The following SOX5 variants were observed in gnomAD, a reference collection of about 807,000 sequenced individuals.
SOX5 encodes the protein SRY-box transcription factor 5.
SOX5 carries 9 observed loss-of-function variants against 92.0 expected under a neutral mutation model. The ratio of observed to expected loss-of-function variants is 0.10; its 90% confidence interval spans 0.06 to 0.17. The LOEUF (loss-of-function observed/expected upper bound fraction) is 0.17. Ranked by LOEUF, SOX5 falls within the 10% of genes least tolerant of loss-of-function variation. SOX5 has a pLI of 1.00. For synonymous variants in SOX5, 344 were observed against 336.3 expected, an observed-to-expected ratio of 1.02 and a Z score of -0.25; for missense variants, 642 against 944.5, an observed-to-expected ratio of 0.68 and a Z score of 4.20.
At chr12:24,227,118 T>C (rs1441466739) in intron 3 of SOX5, 2 of 152,228 alleles carry the variant, frequency 1.3e-5, no homozygotes, top group East Asian at 1.9e-4. Flanking sequence ...AGGCTGCTGT[T>C]TGTCCAAGTA....
intron 2 of SOX5, among the ~76,000 whole-genome samples, chr12:24,314,492 G>A (rs921934844): frequency 2.0e-5 from 3 of 151,566 alleles, no homozygotes; most frequent in Admixed American, 6.6e-5. Flanking sequence ...TTATGCACAT[G>A]TACCCTAAAA....
intron 1 of SOX5, among the ~76,000 whole-genome samples, chr12:24,535,211 A>G (rs1017098249): frequency 1.3e-5 from 2 of 152,344 alleles, no homozygotes; most frequent in African/African-American, 4.8e-5. Context: ...TGTGCTGTGA[A>G]TAGAGGGCTC....
chr12:23,828,012 A>G (rs1205096177), intron 3 of SOX5, among the ~76,000 whole-genome samples: 1 of 152,206 alleles, frequency 6.6e-6, no homozygotes, highest in African/African-American at 2.4e-5. Flanking sequence ...TTCCACATAT[A>G]GTTAACTCTA....
intron 3 of SOX5, among the ~76,000 whole-genome samples, chr12:23,776,030 T>C (rs2095088096): frequency 6.6e-6 from 1 of 152,128 alleles, no homozygotes; most frequent in South Asian, 2.1e-4. Context: ...AATTAGACTC[T>C]CATAAGGAAT....
At chr12:23,821,265 C>A (rs2096109742) in intron 3 of SOX5, among the ~76,000 whole-genome samples, 4 of 152,122 alleles carry the variant, frequency 2.6e-5, no homozygotes, top group Admixed American at 2.6e-4. Context: ...GATTTTTGTA[C>A]ATTAATTTTG....
chr12:24,068,017 C>T (rs1403567101), intron 4 of SOX5, among the ~76,000 whole-genome samples: 4 of 151,984 alleles, frequency 2.6e-5, no homozygotes, highest in Non-Finnish European at 5.9e-5. Context: ...TGGTGGTGTG[C>T]GCCTGTAGTC....
At chr12:24,049,580 AG>A (rs563339122) in intron 4 of SOX5, among the ~76,000 whole-genome samples, 115 of 151,132 alleles carry the variant, frequency 7.6e-4, no homozygotes, top group African/African-American at 2.7e-3. Flanking sequence ...GTTGTGGCAA[AG>A]AATCAGTAGG....
chr12:23,584,675 G>T, intron 9 of SOX5: 2 of 1,214,184 alleles, frequency 1.6e-6, no homozygotes, highest in Non-Finnish European at 2.4e-6. Context: ...ATATTTGGGA[G>T]ATGAGTGAAG....
intron 4 of SOX5, among the ~76,000 whole-genome samples, chr12:23,988,412 T>C (rs1950247597): frequency 6.6e-6 from 1 of 152,154 alleles, no homozygotes; most frequent in Non-Finnish European, 1.5e-5. Flanking sequence ...GGCAATAGTT[T>C]ACAACATTAT....
chr12:23,682,027 A>AG (rs111608798), intron 6 of SOX5, among the ~76,000 whole-genome samples: 2 of 148,034 alleles, frequency 1.4e-5, no homozygotes, highest in South Asian at 2.2e-4. Context: ...TGATAGCTCA[A>AG]AAAAAAAAAA....
In SOX5 at chr12:23,536,664, G is replaced by A. The variant is rs761144841; in HGVS notation, c.1777C>T (p.Arg593Cys). The change falls in exon 14 of 15, where the codon CGC becomes TGC. Residue 593 changes from arginine (R) to cysteine (C), a missense_variant. Physicochemically the swap from Arg to Cys is radical, Grantham distance 180. Transcript: ENST00000451604. ...TCTAGGTTTGTCATAGCTTTCCAGC[G>A]AGATCCTATGAAGAAAGGAGGTTAG... ...NSNISKILGSRWKAMTNLEKQ... is the reference protein window; with the variant it reads ...NSNISKILGSCWKAMTNLEKQ... 3 of 1,612,884 alleles carry A rather than the reference G, an allele frequency of 1.9e-6. No individual in the cohort carries two copies. The highest frequency in any genetic ancestry group is 2.5e-6 in the Non-Finnish European group (3 of 1,178,900).
intron 10 of SOX5, among the ~76,000 whole-genome samples, chr12:23,570,780 A>T (rs1230431491): frequency 6.6e-6 from 1 of 150,724 alleles, no homozygotes; most frequent in African/African-American, 2.4e-5. Flanking sequence ...GCGTGGTGGC[A>T]GGTGCCTATA....
chr12:23,872,906 A>G (rs1190953795), intron 2 of SOX5, among the ~76,000 whole-genome samples: 1 of 152,244 alleles, frequency 6.6e-6, no homozygotes, highest in Non-Finnish European at 1.5e-5. Flanking sequence ...CTGAAAGATC[A>G]TCTTCATATT....
chr12:23,945,718 A>T (rs1944480835), intron 1 of SOX5, among the ~76,000 whole-genome samples: 1 of 152,164 alleles, frequency 6.6e-6, no homozygotes, highest in Non-Finnish European at 1.5e-5. Context: ...AATCAAACTT[A>T]CAGGTTTACA....
At chr12:24,167,500 G>A (rs1953554680) in intron 4 of SOX5, among the ~76,000 whole-genome samples, 1 of 152,130 alleles carries the variant, frequency 6.6e-6, no homozygotes, top group African/African-American at 2.4e-5. Flanking sequence ...GATTTCTACT[G>A]GCCCTTCTGG....
intron 1 of SOX5, among the ~76,000 whole-genome samples, chr12:24,380,257 A>G (rs1199026495): frequency 6.6e-6 from 1 of 152,220 alleles, no homozygotes. Flanking sequence ...TCTTCTGCCA[A>G]GCTCATTGTT....
At chr12:24,499,554 G>A (rs1295026657) in intron 1 of SOX5, among the ~76,000 whole-genome samples, 1 of 152,208 alleles carries the variant, frequency 6.6e-6, no homozygotes, top group Non-Finnish European at 1.5e-5. Flanking sequence ...AGTAGATTGA[G>A]CTAACATTAT....
intron 4 of SOX5, among the ~76,000 whole-genome samples, chr12:24,050,764 T>C (rs955445803): frequency 6.6e-6 from 1 of 152,168 alleles, no homozygotes; most frequent in African/African-American, 2.4e-5. Flanking sequence ...TTTATGATTG[T>C]TATGAGGTAA....
chr12:24,322,998 T>C (rs1950347894), intron 2 of SOX5, among the ~76,000 whole-genome samples: 2 of 152,098 alleles, frequency 1.3e-5, no homozygotes, highest in South Asian at 4.1e-4. Context: ...TTTTGTTTTT[T>C]TAAAACAATT....
Sources: allele counts gnomAD v4.1 joint callset (sites outside exome capture counted in the v4.1 genomes callset), GRCh38; gene constraint gnomAD v4.1.1; transcripts MANE v1.5; gene names NCBI Gene and HGNC (gene_info 2026-07-23, HGNC 2026-07-21).